The following PHACTR1 variants were observed in gnomAD, a reference collection of about 807,000 sequenced individuals.
PHACTR1 encodes RPEL repeat containing 1.
A neutral mutation model predicts 69.2 loss-of-function variants in PHACTR1; 16 were observed. The ratio of observed to expected loss-of-function variants is 0.23; its 90% CI spans 0.16 to 0.35. The LOEUF (loss-of-function observed/expected upper bound fraction) is 0.35, where lower values mean the gene tolerates loss of function less well. Among genes scored for constraint, PHACTR1 ranks in the 10% least tolerant of loss-of-function variants. The pLI, the probability that PHACTR1 is intolerant of heterozygous loss-of-function variation, is 1.00. For missense variants in PHACTR1, 510 were observed against 734.7 expected (o/e 0.69, Z 3.54); for synonymous variants, 312 against 284.5 (o/e 1.10, Z -0.97).
intron 3 of PHACTR1, among the ~76,000 whole-genome samples, chr6:12,728,520 A>G (rs1763084888): frequency 6.6e-6 from 1 of 152,170 alleles, no homozygotes; most frequent in Non-Finnish European, 1.5e-5. Flanking sequence ...AGAATTGCAC[A>G]GCTCTGAGTT....
chr6:12,891,060 T>C (rs1259679821), intron 4 of PHACTR1, among the ~76,000 whole-genome samples: 1 of 152,210 alleles, frequency 6.6e-6, no homozygotes, highest in Non-Finnish European at 1.5e-5. Flanking sequence ...AAAAAAGATT[T>C]TTGTAGGTTG....
chr6:13,127,092 G>A (rs1490110944), intron 5 of PHACTR1, among the ~76,000 whole-genome samples: 4 of 152,182 alleles, frequency 2.6e-5, no homozygotes, highest in Non-Finnish European at 4.4e-5. Context: ...AAGGTAAAGC[G>A]GTTTGGGCTA....
intron 3 of PHACTR1, among the ~76,000 whole-genome samples, chr6:12,721,623 C>T (rs1177102243): frequency 3.9e-5 from 6 of 152,146 alleles, no homozygotes; most frequent in African/African-American, 1.4e-4. Context: ...AGATGAGAGT[C>T]CCTCTCCCTC....
chr6:12,744,083 AAAT>A (rs1340782236), intron 3 of PHACTR1, among the ~76,000 whole-genome samples: 2 of 152,240 alleles, frequency 1.3e-5, no homozygotes, highest in African/African-American at 4.8e-5. Flanking sequence ...ATGAAGGCAG[AAAT>A]AAATATGTTC....
chr6:12,719,370 T>A (rs1015850628), intron 3 of PHACTR1, among the ~76,000 whole-genome samples: 1 of 152,244 alleles, frequency 6.6e-6, no homozygotes, highest in Non-Finnish European at 1.5e-5. Context: ...GTGGTTGATG[T>A]GTCCGTTTTT....
In PHACTR1 at chr6:13,208,331, C is replaced by T. The variant is rs117887555; in HGVS notation, c.986+2195C>T. 1.3e-3 allele frequency among the ~76,000 whole-genome samples: 200 copies of T among 152,288 alleles called. 1 individual carries two copies. In the East Asian group the frequency reaches 0.035, roughly 27 times the overall value. ...ACATTGAGAACAAGTTTTAGATACT[C>T]TTACAGCAATATGACAGAATAATTT... is the stretch of plus-strand genomic sequence containing the variant. On this transcript the variant is annotated intron_variant, in intron 8 of 14. Transcript: ENST00000332995.
intron 9 of PHACTR1, among the ~76,000 whole-genome samples, chr6:13,228,737 C>G (rs1261680715): frequency 6.6e-6 from 1 of 152,352 alleles, no homozygotes; most frequent in East Asian, 1.9e-4. Context: ...CACAACAACC[C>G]TGAGGCATGG....
At chr6:12,892,030 A>G (rs1399249168) in intron 4 of PHACTR1, among the ~76,000 whole-genome samples, 3 of 152,264 alleles carry the variant, frequency 2.0e-5, no homozygotes, top group Non-Finnish European at 2.9e-5. Context: ...TTAAAGAGAC[A>G]TGCATTCCCT....
chr6:13,004,339 A>G lies in PHACTR1; in HGVS notation c.251-49026A>G, dbSNP rs554976883. ...GCCATTCTGACTGGTGTGAGATGGT[A>G]TCTTACTATGATTTTAGTTAGCATT... On this transcript the variant is annotated intron_variant, in intron 4 of 14. Transcript: ENST00000332995. Among the ~76,000 whole-genome samples, 5 of 152,198 alleles carry G rather than the reference A, an allele frequency of 3.3e-5. No individual in the cohort carries two copies. In the South Asian group the frequency reaches 1.0e-3, roughly 32 times the overall value.
At chr6:13,278,214 CT>C in intron 11 of PHACTR1, 53 bp from the exon 12 acceptor site, 2 of 1,523,900 alleles carry the variant, frequency 1.3e-6, no homozygotes, top group Non-Finnish European at 8.9e-7. Flanking sequence ...AAGGATGCAC[CT>C]GTACACAACA....
rs77025511 is a variant in PHACTR1, at chr6:13,211,331, T to G, written c.986+5195T>G. ...TATCATTTTTATGCCTTTGTTATCA[T>G]TTCAAAGATGATGCAGTGTTTTTAT... On this transcript the variant is annotated intron_variant, in intron 8 of 14. Transcript: ENST00000332995. 9.3e-3 allele frequency among the ~76,000 whole-genome samples: 1,411 copies of G among 152,102 alleles called. 20 individuals are homozygous for G. Among genetic ancestry groups the G allele is most frequent in the African/African-American group, 0.03 (1,234 of 41,494 alleles).
At chr6:13,139,301 C>A (rs1028481359) in intron 5 of PHACTR1, among the ~76,000 whole-genome samples, 2 of 152,020 alleles carry the variant, frequency 1.3e-5, no homozygotes, top group East Asian at 3.8e-4. Context: ...CCACATACAT[C>A]CATTTGCATA....
chr6:12,717,714 A>G lies in PHACTR1; in HGVS notation c.-76A>G, dbSNP rs1761567409. On this transcript the variant is annotated 5_prime_UTR_variant, in exon 2 of 15. Transcript: ENST00000332995. Reference sequence around the variant, plus strand: ...TGGAACGGCTCTTGTTTTACCGCTGACAGATAGCCTTTGATTTTTATTTTT... The same window carrying G: ...TGGAACGGCTCTTGTTTTACCGCTGGCAGATAGCCTTTGATTTTTATTTTT... The G allele has an allele frequency of 6.6e-6, 1 of 152,210 alleles. No individual in the cohort carries two copies. Among genetic ancestry groups the G allele is most frequent in the South Asian group, 2.1e-4 (1 of 4,828 alleles). The allele number at this position is 152,210 out of a possible 1,614,324, so 9.4% of individuals were successfully genotyped here. A position where few individuals can be genotyped will look rare whatever the true frequency, so the allele number is the denominator to read the frequency against.
chr6:13,158,387 T>G (rs377306589), intron 5 of PHACTR1, among the ~76,000 whole-genome samples: 79 of 152,272 alleles, frequency 5.2e-4, no homozygotes, highest in African/African-American at 1.9e-3. Flanking sequence ...GCTTTCCCCC[T>G]TGTCCTCCCA....
At chr6:13,006,321 A>C (rs1798783165) in intron 4 of PHACTR1, among the ~76,000 whole-genome samples, 1 of 152,196 alleles carries the variant, frequency 6.6e-6, no homozygotes, top group Admixed American at 6.5e-5. Context: ...ATCCTAAAAT[A>C]GTGCTGAGGG....
intron 3 of PHACTR1, among the ~76,000 whole-genome samples, chr6:12,720,729 A>C (rs994843130): frequency 6.6e-6 from 1 of 152,228 alleles, no homozygotes; most frequent in African/African-American, 2.4e-5. Context: ...AGTCTTCCTG[A>C]ACCAGATATC....
At chr6:12,828,216 G>T (rs528254679) in intron 4 of PHACTR1, among the ~76,000 whole-genome samples, 1 of 152,288 alleles carries the variant, frequency 6.6e-6, no homozygotes, top group Admixed American at 6.5e-5. Context: ...TCGGCTTAAA[G>T]TGGGACATTT....
chr6:13,193,657 G>A (rs1763942531), intron 7 of PHACTR1, among the ~76,000 whole-genome samples: 1 of 150,040 alleles, frequency 6.7e-6, no homozygotes, highest in African/African-American at 2.5e-5. Flanking sequence ...CAAGTAACTG[G>A]GACTACAGGC....
chr6:13,249,380 A>G (rs540633918), intron 10 of PHACTR1, among the ~76,000 whole-genome samples: 269 of 152,196 alleles, frequency 1.8e-3, no homozygotes, highest in African/African-American at 6.0e-3. Flanking sequence ...ACCCCCATCC[A>G]TAGAAAAATT....
Sources: gnomAD v4.1 joint callset for allele counts (sites outside exome capture counted in the v4.1 genomes callset) on GRCh38, gnomAD v4.1.1 for gene constraint, MANE v1.5 for transcripts, NCBI Gene and HGNC (gene_info 2026-07-23, HGNC 2026-07-21) for gene names.